Variants in ODF1 observed in about 807,000 individuals in gnomAD.
ODF1 encodes outer dense fiber of sperm tails 1, also known as outer dense fiber protein 1.
Under a neutral mutation model 24.0 loss-of-function variants are expected in ODF1, and 10 were observed. The ratio of observed to expected loss-of-function variants is 0.42; its 90% CI spans 0.26 to 0.71. The LOEUF is 0.71. Ranked by LOEUF, ODF1 falls within the 30% of genes least tolerant of loss-of-function variation. The pLI is 0.28. For missense variants in ODF1, 282 were observed against 307.9 expected (o/e 0.92, Z 0.63); for synonymous variants, 118 against 121.3 (o/e 0.97, Z 0.18).
chr8:102,551,810 T>C lies in ODF1; in HGVS notation c.83T>C (p.Ile28Thr). The change falls in exon 1 of 2, where the codon ATC (isoleucine) becomes ACC (threonine). Residue 28 changes from isoleucine (I) to threonine (T), a missense_variant. By Grantham distance (89) the Ile-to-Thr change is moderately conservative (BLOSUM62 -1). Coordinates refer to ENST00000285402, the MANE Select transcript of ODF1 (RefSeq NM_024410.4). ...AGAGAACTAAGGCAACTGAGATGCA[T>C]CGACGAATTTAGCACACGGTGCCTG... ...VDRELRQLRC[I>T]DEFSTRCLCD... 1 of 1,614,150 alleles carries C rather than the reference T, an allele frequency of 6.2e-7. No individual in the cohort carries two copies. Among genetic ancestry groups the C allele is most frequent in the South Asian group, 1.1e-5 (1 of 91,078 alleles).
chr8:102,560,862 C>A lies in ODF1; in HGVS notation c.731C>A (p.Ser244Tyr), dbSNP rs1826176362. Residue 244 changes from serine to tyrosine, a missense_variant, in exon 2 of 2, where the codon TCC (serine) becomes TAC (tyrosine). Physicochemically the swap from Ser to Tyr is moderately radical, Grantham distance 144. Transcript: ENST00000285402. ...NPCYPCGSRF[S>Y]CRKMIL ...TGTTATCCCTGTGGAAGCCGATTTT[C>A]CTGTAGGAAGATGATTTTGTAAAGT... is the stretch of plus-strand genomic sequence containing the variant. 6.2e-7 allele frequency: 1 copy of A among 1,611,634 alleles called. No individual in the cohort carries two copies. The highest frequency in any genetic ancestry group is 1.3e-5 in the African/African-American group (1 of 74,986).
chr8:102,555,147 C>G (rs1359919178), intron 1 of ODF1, among the ~76,000 whole-genome samples: 2 of 152,064 alleles, frequency 1.3e-5, no homozygotes, highest in African/African-American at 2.4e-5. Context: ...CTCTTCCTCC[C>G]TCTTCTGGAT....
chr8:102,553,087 G>A (rs915949652), intron 1 of ODF1, among the ~76,000 whole-genome samples: 15 of 151,926 alleles, frequency 9.9e-5, no homozygotes, highest in Admixed American at 9.2e-4. Flanking sequence ...AGGAGGCCGG[G>A]TGCATTGGCT....
Position 102,560,934 on chromosome 8 carries a change from G to A in ODF1, c.*50G>A. The A allele has an allele frequency of 2.0e-6, 3 of 1,515,522 alleles. No homozygotes were observed. The highest frequency in any genetic ancestry group is 2.7e-6 in the Non-Finnish European group (3 of 1,119,244). 93.9% of individuals were successfully genotyped at this position (1,515,522 alleles called of 1,614,324 possible). A position where few individuals can be genotyped will look rare whatever the true frequency, so the allele number is the denominator to read the frequency against. On this transcript the variant is annotated 3_prime_UTR_variant, in exon 2 of 2. Coordinates refer to ENST00000285402, the MANE Select transcript of ODF1 (RefSeq NM_024410.4). Reference sequence around the variant, plus strand: ...AATAGAAGTCAGTTACTCCAGCCAGGCAGCTCTCCCAATGTTTCTCCTCTC... The same window carrying A: ...AATAGAAGTCAGTTACTCCAGCCAGACAGCTCTCCCAATGTTTCTCCTCTC...
rs1162994595 is a variant in ODF1 at position 102,551,942 on chromosome 8, C to T, written c.215C>T (p.Pro72Leu). The stretch of plus-strand genomic sequence containing the variant: ...TCTTGCGGCCTGTGTGATCTCTACC[C>T]ATGTTGCCTGTGTGATTATAAGCTT... Reference protein sequence around the residue: ...SRSCGLCDLYPCCLCDYKLYC... With the variant: ...SRSCGLCDLYLCCLCDYKLYC... The change falls in exon 1 of 2, where the codon CCA becomes CTA. Residue 72 changes from proline to leucine, a missense_variant. By Grantham distance (98) the Pro-to-Leu change is moderately conservative. Transcript: ENST00000285402. The T allele has an allele frequency of 3.1e-6, 5 of 1,614,158 alleles. No homozygotes were observed. The highest frequency in any genetic ancestry group is 1.7e-5 in the Admixed American group (1 of 60,006).
intron 1 of ODF1, among the ~76,000 whole-genome samples, chr8:102,558,174 G>A (rs62523268): frequency 0.037 from 5,591 of 152,296 alleles, 136 homozygotes; most frequent in Non-Finnish European, 0.058. Flanking sequence ...GGCTGAGGCC[G>A]GGCGCGGTGG....
At chr8:102,559,566 T>A (rs1826153136) in intron 1 of ODF1, among the ~76,000 whole-genome samples, 1 of 151,716 alleles carries the variant, frequency 6.6e-6, no homozygotes, top group South Asian at 2.1e-4. Context: ...GCTGATGTGA[T>A]CCTGATTATG....
At chr8:102,556,430 GTTGTTTTGTTTTGTT>G (rs60629836) in intron 1 of ODF1, among the ~76,000 whole-genome samples, 2,338 of 128,404 alleles carry the variant, frequency 0.018, 54 homozygotes, top group African/African-American at 0.057. Context: ...TGTTGTTGTT[GTTGTTTTGTTTTGTT>G]TTGTTTTGTT....
intron 1 of ODF1, among the ~76,000 whole-genome samples, chr8:102,558,765 C>G (rs930833496): frequency 2.0e-5 from 3 of 151,566 alleles, no homozygotes; most frequent in African/African-American, 7.3e-5. Context: ...CACACACACA[C>G]AGACACATAC....
intron 1 of ODF1, among the ~76,000 whole-genome samples, chr8:102,560,091 T>C (rs1826160020): frequency 6.6e-6 from 1 of 151,366 alleles, no homozygotes; most frequent in Non-Finnish European, 1.5e-5. Context: ...GCAGGCATTA[T>C]TATTGTTATC....
At chr8:102,558,285 A>G (rs1312090938) in intron 1 of ODF1, among the ~76,000 whole-genome samples, 4 of 152,058 alleles carry the variant, frequency 2.6e-5, no homozygotes, top group Non-Finnish European at 5.9e-5. Context: ...CACCTTCTCT[A>G]CTAAAAATAC....
intron 1 of ODF1, among the ~76,000 whole-genome samples, chr8:102,555,794 C>A (rs968021687): frequency 3.9e-5 from 6 of 152,210 alleles, no homozygotes; most frequent in African/African-American, 1.2e-4. Flanking sequence ...TCCACTCCCA[C>A]TGAGGGGAGC....
At chr8:102,556,843 C>T (rs1169912773) in intron 1 of ODF1, among the ~76,000 whole-genome samples, 1 of 152,152 alleles carries the variant, frequency 6.6e-6, no homozygotes, top group Admixed American at 6.5e-5. Context: ...GGGCTAAATT[C>T]AGGAGAAAAA....
intron 1 of ODF1, among the ~76,000 whole-genome samples, chr8:102,555,225 T>G (rs1396954292): frequency 6.6e-6 from 1 of 152,174 alleles, no homozygotes; most frequent in East Asian, 1.9e-4. Flanking sequence ...TGATTTAAGT[T>G]GTAACTGATT....
At chr8:102,552,149 G>A in intron 1 of ODF1, 102 bp downstream of exon 1, 1 of 831,498 alleles carries the variant, frequency 1.2e-6, no homozygotes, top group Non-Finnish European at 1.8e-6. Context: ...AAGATTAAAA[G>A]GGTTCAGGAT....
chr8:102,558,730 A>G (rs1474655145), intron 1 of ODF1, among the ~76,000 whole-genome samples: 1 of 151,286 alleles, frequency 6.6e-6, no homozygotes, highest in East Asian at 1.9e-4. Flanking sequence ...CTCTCTCTCT[A>G]CATGTATATA....
chr8:102,554,692 C>T (rs1474276125), intron 1 of ODF1, among the ~76,000 whole-genome samples: 3 of 152,186 alleles, frequency 2.0e-5, no homozygotes, highest in African/African-American at 7.2e-5. Context: ...GTGGTTCACA[C>T]CTGTAATCTC....
intron 1 of ODF1, 130 bp from the exon 2 acceptor site, chr8:102,560,322 T>C: frequency 1.2e-6 from 1 of 825,412 alleles, no homozygotes; most frequent in Non-Finnish European, 1.9e-6. Flanking sequence ...TTGTGTAAAG[T>C]TTATTTTCAC....
intron 1 of ODF1, among the ~76,000 whole-genome samples, chr8:102,559,760 A>G (rs1826155252): frequency 6.6e-6 from 1 of 151,430 alleles, no homozygotes; most frequent in Non-Finnish European, 1.5e-5. Context: ...TCCTGCCATC[A>G]TTGTTTGATT....
Sources: gnomAD v4.1 joint callset for allele counts (sites outside exome capture counted in the v4.1 genomes callset) on GRCh38, gnomAD v4.1.1 for gene constraint, MANE v1.5 for transcripts, NCBI Gene and HGNC (gene_info 2026-07-23, HGNC 2026-07-21) for gene names.